MLLT10: variants seen among roughly 807,000 people sequenced by gnomAD.
MLLT10 encodes MLLT10 histone lysine methyltransferase DOT1L cofactor, also known as protein AF-10.
In MLLT10, 30 loss-of-function variants were observed where a neutral mutation model predicts 129.1. The observed-to-expected ratio is 0.23, with a 90% CI of 0.17 to 0.32. The LOEUF (loss-of-function observed/expected upper bound fraction) is 0.32. Among genes scored for constraint, MLLT10 ranks in the 10% least tolerant of loss-of-function variants. MLLT10 has a pLI of 1.00. For synonymous variants in MLLT10, 490 were observed against 446.4 expected (o/e 1.10, Z -1.23); for missense variants, 1,119 against 1,268.3 (o/e 0.88, Z 1.79).
chr10:21,605,121 T>C (rs2043932337), intron 5 of MLLT10, among the ~76,000 whole-genome samples: 1 of 152,008 alleles, frequency 6.6e-6, no homozygotes, highest in Non-Finnish European at 1.5e-5. Context: ...TATACCTTAT[T>C]TATTTAACAT....
At chr10:21,718,419 T>C (rs1309753701) in intron 14 of MLLT10, among the ~76,000 whole-genome samples, 1 of 152,224 alleles carries the variant, frequency 6.6e-6, no homozygotes, top group Non-Finnish European at 1.5e-5. Flanking sequence ...GTTTCCTAGT[T>C]CTGCAGTCAT....
At chr10:21,550,473 G>T (rs565748630) in intron 3 of MLLT10, among the ~76,000 whole-genome samples, 1 of 152,192 alleles carries the variant, frequency 6.6e-6, no homozygotes, top group East Asian at 1.9e-4. Flanking sequence ...TACCCTCTAA[G>T]GTATTGTTTC....
intron 8 of MLLT10, chr10:21,624,788 T>C: frequency 2.8e-6 from 3 of 1,084,286 alleles, no homozygotes; most frequent in South Asian, 1.4e-5. Context: ...CGTCCTACAT[T>C]GTCCCCTGAT....
At chr10:21,731,422 T>C (rs2057962148) in intron 17 of MLLT10, among the ~76,000 whole-genome samples, 1 of 152,218 alleles carries the variant, frequency 6.6e-6, no homozygotes, top group Non-Finnish European at 1.5e-5. Flanking sequence ...TAGCATTGTC[T>C]CGGTGCTTAC....
intron 13 of MLLT10, among the ~76,000 whole-genome samples, chr10:21,686,333 G>A (rs2053289335): frequency 6.6e-6 from 1 of 152,056 alleles, no homozygotes; most frequent in African/African-American, 2.4e-5. Flanking sequence ...GAAATTTCCT[G>A]AGACTTTTAC....
chr10:21,625,960 A>G (rs2046388837), intron 8 of MLLT10: 6 of 822,414 alleles, frequency 7.3e-6, no homozygotes, highest in Admixed American at 1.7e-5. Flanking sequence ...TTCCAATTCT[A>G]GGTTGCACAC....
intron 11 of MLLT10, among the ~76,000 whole-genome samples, chr10:21,676,842 T>TTATG (rs1453756354): frequency 6.6e-6 from 1 of 152,094 alleles, no homozygotes; most frequent in Non-Finnish European, 1.5e-5. Context: ...TTCTTTAGTT[T>TTATG]TATGTATGTT....
rs148624516 is a variant in MLLT10, at chr10:21,716,279, G to A, written c.1878+2329G>A. ...TCATATAGACCCTGTTTGTTTTCAA[G>A]TCTTACATTAGTTGTGTTTAGATAG... On this transcript the variant is annotated intron_variant, in intron 14 of 22. Transcript: ENST00000307729. 2.4e-4 allele frequency among the ~76,000 whole-genome samples: 36 copies of A among 152,298 alleles called. No homozygotes were observed. In the East Asian group the frequency reaches 5.0e-3, roughly 21 times the overall value.
intron 3 of MLLT10, among the ~76,000 whole-genome samples, chr10:21,544,400 A>G (rs548122154): frequency 3.3e-5 from 5 of 152,164 alleles, no homozygotes; most frequent in Admixed American, 6.6e-5. Flanking sequence ...TGGTGAGACA[A>G]TAGGGTCAAG....
At chr10:21,640,250 A>G (rs7090708) in intron 8 of MLLT10, among the ~76,000 whole-genome samples, 44,095 of 142,508 alleles carry the variant, frequency 0.31, 7,234 homozygotes, top group Middle Eastern at 0.51. Flanking sequence ...ATAAATATTT[A>G]TATTACATAA....
Position 21,640,896 on chromosome 10 carries a change from G to A in MLLT10, c.700-10777G>A, listed in dbSNP as rs182784054. Among the ~76,000 whole-genome samples, 328 of 152,324 alleles carry A rather than the reference G, an allele frequency of 2.2e-3. 3 individuals are homozygous for A. The highest frequency in any genetic ancestry group is 7.5e-3 in the African/African-American group (313 of 41,570). On this transcript the variant is annotated intron_variant, in intron 8 of 22. Transcript: ENST00000307729. Reference sequence around the variant, plus strand: ...TTGATTGACAAACAAATTCTTCCAAGTTGTGAATCAGGGGCTTAGGTTTCT... The same window carrying A: ...TTGATTGACAAACAAATTCTTCCAAATTGTGAATCAGGGGCTTAGGTTTCT...
intron 3 of MLLT10, chr10:21,557,505 G>A (rs1483347266): frequency 6.5e-6 from 1 of 154,290 alleles, no homozygotes; most frequent in Non-Finnish European, 1.4e-5. Flanking sequence ...AGTTACATCA[G>A]CTATATTAAT....
At chr10:21,644,114 TC>T (rs1289452209) in intron 8 of MLLT10, among the ~76,000 whole-genome samples, 2 of 152,234 alleles carry the variant, frequency 1.3e-5, no homozygotes, top group Non-Finnish European at 2.9e-5. Flanking sequence ...TCCTATTTTA[TC>T]ATCTCATTCT....
intron 8 of MLLT10, among the ~76,000 whole-genome samples, chr10:21,649,022 G>A (rs1185977001): frequency 6.6e-6 from 1 of 152,152 alleles, no homozygotes; most frequent in Non-Finnish European, 1.5e-5. Flanking sequence ...AGATTTGGGT[G>A]AAGACACAGC....
intron 3 of MLLT10, among the ~76,000 whole-genome samples, chr10:21,559,258 A>G (rs767334910): frequency 6.6e-6 from 1 of 152,074 alleles, no homozygotes; most frequent in Non-Finnish European, 1.5e-5. Flanking sequence ...TAATTTTTGT[A>G]TTTGTAGTAG....
At chr10:21,557,486 C>G (rs2038194401) in intron 3 of MLLT10, 1 of 155,252 alleles carries the variant, frequency 6.4e-6, no homozygotes. Context: ...AGAACCAAAT[C>G]TGGTCTTTAG....
In MLLT10 at chr10:21,551,289, C is replaced by CTTTT. The variant is rs11461905; in HGVS notation, c.240+12401_240+12404dup. Reference sequence around the variant, plus strand: ...GTGCCAAAAAGTACTCGGATTGTACCTTTTTTTTTTTTTTTTTTTTTTTTT... The same window carrying CTTTT: ...GTGCCAAAAAGTACTCGGATTGTACCTTTTTTTTTTTTTTTTTTTTTTTTTTTTT... On this transcript the variant is annotated intron_variant, in intron 3 of 22. Transcript: ENST00000307729. Among the ~76,000 whole-genome samples the CTTTT allele has an allele frequency of 1.4e-4, 13 of 91,954 alleles. 1 individual carries two copies. The highest frequency in any genetic ancestry group is 6.1e-4 in the African/African-American group (11 of 18,040). 60.3% of individuals were successfully genotyped at this position (91,954 alleles called of 152,430 possible).
At chr10:21,608,498 A>G (rs2044285425) in intron 5 of MLLT10, among the ~76,000 whole-genome samples, 1 of 151,940 alleles carries the variant, frequency 6.6e-6, no homozygotes, top group Non-Finnish European at 1.5e-5. Context: ...TTTTAATGTG[A>G]ATCTCTTTGT....
At chr10:21,719,440 A>G (rs1417723276) in intron 14 of MLLT10, among the ~76,000 whole-genome samples, 2 of 152,222 alleles carry the variant, frequency 1.3e-5, no homozygotes, top group Non-Finnish European at 2.9e-5. Context: ...ACATATCTGT[A>G]AGTCTGGAAT....
Sources: gnomAD v4.1 joint callset for allele counts (sites outside exome capture counted in the v4.1 genomes callset) on GRCh38, gnomAD v4.1.1 for gene constraint, MANE v1.5 for transcripts, NCBI Gene and HGNC (gene_info 2026-07-23, HGNC 2026-07-21) for gene names.